Variants in SRRT observed in about 807,000 individuals in gnomAD.
The protein encoded by SRRT is serrate RNA effector molecule homolog.
SRRT carries 32 observed loss-of-function variants against 103.2 expected under a neutral mutation model. That is an observed-to-expected ratio of 0.31 (90% confidence interval 0.23 to 0.42). The LOEUF is 0.42. SRRT is among the 10% of genes least tolerant of loss of function. SRRT has a pLI of 1.00. For missense variants in SRRT, 986 were observed against 1,207.5 expected, an observed-to-expected ratio of 0.82 and a Z score of 2.72; for synonymous variants, 525 against 449.0, an observed-to-expected ratio of 1.17 and a Z score of -2.14.
At position 100,885,143 on chromosome 7, in the gene SRRT, T is replaced by G; in HGVS notation, c.1160-70T>G. On this transcript the variant is annotated intron_variant, in intron 9 of 19. Transcript: ENST00000611405. The surrounding 1 kb of genome is among the most constrained non-coding windows in gnomAD (Gnocchi z 4.8). ...GGGTGGGTGGCTTTTAGGGGAAAGC[T>G]TCTGTATCCTCCCCACCACAATCAG... 6.2e-7 allele frequency: 1 copy of G among 1,602,874 alleles called. No homozygotes were observed. The highest frequency in any genetic ancestry group is 8.5e-7 in the Non-Finnish European group (1 of 1,173,438).
At position 100,886,922 on chromosome 7, in the gene SRRT, G is replaced by C. The variant is rs1184089011; in HGVS notation, c.1775G>C (p.Gly592Ala). The C allele has an allele frequency of 6.2e-7, 1 of 1,613,402 alleles. No homozygotes were observed. Among genetic ancestry groups the C allele is most frequent in the Non-Finnish European group, 8.5e-7 (1 of 1,179,790 alleles). ...CCTCCTGAGGAGCCTCCTAAGGAAG[G>C]GAACCCGGCAGAGATCAACGTGGAG... is the stretch of plus-strand genomic sequence containing the variant. Reference protein sequence around the residue: ...GAPPEEPPKEGNPAEINVERD... With the variant: ...GAPPEEPPKEANPAEINVERD... Residue 592 changes from glycine (G) to alanine (A), a missense_variant, in exon 14 of 20, where the codon GGG (glycine) becomes GCG (alanine). Gly to Ala is a moderately conservative substitution (Grantham distance 60). Transcript: ENST00000611405.
rs895311070 is a variant in SRRT, at chr7:100,885,427, G to C, written c.1317+57G>C. The C allele has an allele frequency of 9.0e-6, 14 of 1,557,830 alleles. No individual in the cohort carries two copies. In the South Asian group the frequency reaches 1.2e-4, roughly 13 times the overall value. On this transcript the variant is annotated intron_variant, in intron 10 of 19. Transcript: ENST00000611405. The surrounding 1 kb of genome is among the most constrained non-coding windows in gnomAD (Gnocchi z 4.8). ...CTGATGGAGAAGTGGAGGGTAGAGG[G>C]AAGGCAGTGGGGCCCTGCCTGTGAC...
intron 8 of SRRT, 22 bp downstream of exon 8, chr7:100,884,860 G>A: frequency 1.2e-6 from 2 of 1,613,924 alleles, no homozygotes; most frequent in Non-Finnish European, 8.5e-7. Flanking sequence ...GTGGCCTGGG[G>A]TCAGAGTGTT....
At chr7:100,886,183 G>C (rs1041778891) in intron 12 of SRRT, 64 bp from the exon 13 acceptor site, 33 of 1,553,422 alleles carry the variant, frequency 2.1e-5, no homozygotes, top group African/African-American at 1.6e-4. Context: ...AAGGGTCTTA[G>C]AGCTGCTGTT....
At position 100,885,061 on chromosome 7, in the gene SRRT, T is replaced by C; in HGVS notation, c.1159+21T>C. ...GGCCGGTAGGGTTTCTTTTCTGCTT[T>C]AAAGTGCGTTCTCCTAATGCGGGTG... On this transcript the variant is annotated intron_variant, in intron 9 of 19. Transcript: ENST00000611405. The surrounding 1 kb of genome is among the most constrained non-coding windows in gnomAD (Gnocchi z 4.8). 1.2e-6 allele frequency: 2 copies of C among 1,613,400 alleles called. No homozygotes were observed. Among genetic ancestry groups the C allele is most frequent in the Non-Finnish European group, 1.7e-6 (2 of 1,179,928 alleles).
At position 100,888,580 on chromosome 7, in the gene SRRT, C is replaced by G. The variant is rs891053411; in HGVS notation, c.*31C>G. 1.2e-6 allele frequency: 2 copies of G among 1,613,052 alleles called. No individual in the cohort carries two copies. Among genetic ancestry groups the G allele is most frequent in the African/African-American group, 2.7e-5 (2 of 74,912 alleles). ...CCCCCGTTCCTCAGTCCTGTATCAT[C>G]CATACTTGTACTACCTTGTCCTATG... On this transcript the variant is annotated 3_prime_UTR_variant, in exon 20 of 20. Coordinates refer to ENST00000611405, the MANE Select transcript of SRRT (RefSeq NM_015908.6).
chr7:100,885,616 T>C lies in SRRT; in HGVS notation c.1318-85T>C. ...GAAGAGTGATAAGGCAGTTAGTCCC[T>C]AGGGTTCTGAGGGCAGTGGGGGATT... On this transcript the variant is annotated intron_variant, in intron 10 of 19. Coordinates refer to ENST00000611405, the MANE Select transcript of SRRT (RefSeq NM_015908.6). The surrounding 1 kb of genome is among the most constrained non-coding windows in gnomAD (Gnocchi z 4.8). 1 of 1,421,440 alleles carries C rather than the reference T, an allele frequency of 7.0e-7. No homozygotes were observed. Among genetic ancestry groups the C allele is most frequent in the Non-Finnish European group, 9.7e-7 (1 of 1,028,148 alleles). 88.1% of individuals were successfully genotyped at this position (1,421,440 alleles called of 1,614,324 possible).
At position 100,875,135 on chromosome 7, in the gene SRRT, A is replaced by C. The variant is rs1815540038; in HGVS notation, c.-212A>C. ...TGTGCCTCGGAGGCGTGGGTGACGC[A>C]GGCGCAGCGCGGGCTGCGCGCGCTA... On this transcript the variant is annotated 5_prime_UTR_variant, in exon 1 of 20. Coordinates refer to ENST00000611405, the MANE Select transcript of SRRT (RefSeq NM_015908.6). The C allele has an allele frequency of 6.2e-6, 1 of 160,484 alleles. No individual in the cohort carries two copies. Among genetic ancestry groups the C allele is most frequent in the African/African-American group, 2.4e-5 (1 of 41,486 alleles). 9.9% of individuals were successfully genotyped at this position (160,484 alleles called of 1,614,324 possible).
chr7:100,875,981 G>C (rs1584727335), intron 2 of SRRT: 2 of 388,330 alleles, frequency 5.2e-6, no homozygotes, highest in African/African-American at 4.1e-5. Flanking sequence ...GTGCTTTTTT[G>C]CTTTTTTTTG....
rs1450995165 is a variant in SRRT, at chr7:100,885,319, C to T, written c.1266C>T (p.Ser422=). ...CGCGGCCGCTGCATAAGACCTGCTCCCTCTTCATGCGCAACATCGCGCCCA... is the reference window on the plus strand; with the variant it reads ...CGCGGCCGCTGCATAAGACCTGCTCTCTCTTCATGCGCAACATCGCGCCCA... ...CKPRPLHKTC[S]LFMRNIAPNI... is the part of the protein sequence containing the mutation. Residue 422 remains serine, a synonymous_variant, in exon 10 of 20, where the codon TCC becomes TCT. Coordinates refer to ENST00000611405, the MANE Select transcript of SRRT (RefSeq NM_015908.6). This position sits in a 1 kb window ranked among gnomAD's most constrained non-coding sequence, Gnocchi z 4.8. The T allele has an allele frequency of 1.9e-6, 3 of 1,614,152 alleles. No homozygotes were observed. Among genetic ancestry groups the T allele is most frequent in the East Asian group, 4.5e-5 (2 of 44,878 alleles).
intron 2 of SRRT, chr7:100,880,589 G>A (rs901477089): frequency 2.1e-5 from 6 of 289,412 alleles, no homozygotes; most frequent in South Asian, 7.6e-5. Flanking sequence ...ACAGGCGTGA[G>A]CCACCGCACC....
chr7:100,887,071 C>G lies in SRRT; in HGVS notation c.1846C>G (p.Leu616Val). The change falls in exon 15 of 20, where the codon CTG becomes GTG. Residue 616 changes from leucine (L) to valine (V), a missense_variant. Physicochemically the swap from Leu to Val is conservative, Grantham distance 32 (BLOSUM62 1). Transcript: ENST00000611405. The surrounding 1 kb of genome is among the most constrained non-coding windows in gnomAD (Gnocchi z 4.1). ...IKVLDKLLLY[L>V]RIVHSLDYYN... ...GGTCTTGGACAAGCTCCTCCTTTAC[C>G]TGCGCATCGTGCATTCCTTGGATTA... 2 of 1,614,240 alleles carry G rather than the reference C, an allele frequency of 1.2e-6. No individual in the cohort carries two copies. Among genetic ancestry groups the G allele is most frequent in the Admixed American group, 1.7e-5 (1 of 60,030 alleles).
intron 6 of SRRT, 58 bp from the exon 7 acceptor site, chr7:100,884,310 A>T (rs1789867395): frequency 3.7e-6 from 6 of 1,609,246 alleles, no homozygotes; most frequent in Non-Finnish European, 5.1e-6. Flanking sequence ...ATCAGGTAGA[A>T]GCCGGTTGAC....
intron 2 of SRRT, 168 bp downstream of exon 2, chr7:100,875,880 G>C (rs1479109878): frequency 2.1e-5 from 16 of 778,620 alleles, no homozygotes; most frequent in Non-Finnish European, 3.2e-5. Flanking sequence ...ATAACTAGCT[G>C]TGGCTTGGTT....
Position 100,886,286 on chromosome 7 carries a change from C to T in SRRT, c.1498C>T (p.Leu500=). 1.2e-6 allele frequency: 2 copies of T among 1,613,002 alleles called. No homozygotes were observed. Among genetic ancestry groups the T allele is most frequent in the Non-Finnish European group, 1.7e-6 (2 of 1,179,988 alleles). ...GCTGAGCCCTGGTGTGAACAGGGAC[C>T]TGACCCGGCGCGTTCGCAACATCAA... is the stretch of plus-strand genomic sequence containing the variant. ...CELSPGVNRD[L]TRRVRNINGI... The change falls in exon 13 of 20, where the codon CTG becomes TTG. Residue 500 remains leucine (L), a synonymous_variant. Transcript: ENST00000611405.
chr7:100,884,497 G>C lies in SRRT; in HGVS notation c.887G>C (p.Gly296Ala). ...KEEGRAGAGL[G>A]DGERKTNDKD... Reference sequence around the variant, plus strand: ...GAAGGACGGGCTGGAGCAGGCCTAGGGGACGGGGAGCGCAAAACCAACGAC... The same window carrying C: ...GAAGGACGGGCTGGAGCAGGCCTAGCGGACGGGGAGCGCAAAACCAACGAC... The change falls in exon 7 of 20, where the codon GGG becomes GCG. Residue 296 changes from glycine to alanine, a missense_variant. By Grantham distance (60) the Gly-to-Ala change is moderately conservative. Coordinates refer to ENST00000611405, the MANE Select transcript of SRRT (RefSeq NM_015908.6). The C allele has an allele frequency of 6.2e-7, 1 of 1,613,766 alleles. No homozygotes were observed. Among genetic ancestry groups the C allele is most frequent in the Non-Finnish European group, 8.5e-7 (1 of 1,179,890 alleles).
chr7:100,879,199 G>C (rs1009548950), intron 2 of SRRT, among the ~76,000 whole-genome samples: 1 of 152,062 alleles, frequency 6.6e-6, no homozygotes, highest in Non-Finnish European at 1.5e-5. Flanking sequence ...CAAGTGATCT[G>C]CCTGCCTTGG....
intron 3 of SRRT, 97 bp from the exon 4 acceptor site, chr7:100,881,562 T>G: frequency 6.3e-7 from 1 of 1,580,948 alleles, no homozygotes; most frequent in Non-Finnish European, 8.6e-7. Context: ...AACCCTTGTC[T>G]GGGAGACCAT....
intron 5 of SRRT, among the ~76,000 whole-genome samples, chr7:100,883,774 A>G (rs1347020048): frequency 6.6e-6 from 1 of 152,146 alleles, no homozygotes; most frequent in Non-Finnish European, 1.5e-5. Flanking sequence ...CCAGAGATTT[A>G]AAGTGGTAAA....
Sources: gnomAD v4.1 joint callset for allele counts (sites outside exome capture counted in the v4.1 genomes callset) on GRCh38, gnomAD v4.1.1 for gene constraint, Gnocchi (gnomAD v3.1) non-coding constraint, MANE v1.5 for transcripts, NCBI Gene and HGNC (gene_info 2026-07-23, HGNC 2026-07-21) for gene names.